DNMT3B: variants seen among roughly 807,000 people sequenced by gnomAD.
DNMT3B encodes DNA methyltransferase 3 beta.
A neutral mutation model predicts 120.2 loss-of-function variants in DNMT3B; 37 were observed. The observed-to-expected ratio is 0.31, with a 90% CI of 0.24 to 0.40. The LOEUF (loss-of-function observed/expected upper bound fraction) is 0.40. DNMT3B is among the 10% of genes least tolerant of loss of function. The pLI, the probability that DNMT3B is intolerant of heterozygous loss-of-function variation, is 1.00. For synonymous variants in DNMT3B, 412 were observed against 442.8 expected, an observed-to-expected ratio of 0.93 and a Z score of 0.87; for missense variants, 878 against 1,137.3, an observed-to-expected ratio of 0.77 and a Z score of 3.28.
At chr20:32,793,432 C>T (rs1980223540) in intron 9 of DNMT3B, 104 bp from the exon 10 acceptor site, 1 of 1,296,198 alleles carries the variant, frequency 7.7e-7, no homozygotes, top group African/African-American at 1.5e-5. Context: ...CGCACCACTG[C>T]ATTCAAGCCT....
intron 10 of DNMT3B, among the ~76,000 whole-genome samples, chr20:32,794,761 G>T (rs1434370177): frequency 6.6e-6 from 1 of 152,166 alleles, no homozygotes; most frequent in Non-Finnish European, 1.5e-5. Flanking sequence ...TACATTTATA[G>T]TGCTGGTTTC....
intron 16 of DNMT3B, among the ~76,000 whole-genome samples, chr20:32,799,839 A>G (rs1326528043): frequency 6.6e-6 from 1 of 152,260 alleles, no homozygotes; most frequent in Admixed American, 6.5e-5. Context: ...TTTTAAAAGG[A>G]CATACATCTT....
intron 21 of DNMT3B, 29 bp downstream of exon 21, chr20:32,805,436 A>G: frequency 6.2e-7 from 1 of 1,613,708 alleles, no homozygotes; most frequent in Non-Finnish European, 8.5e-7. Context: ...CTCTGGAAAA[A>G]TGCACTTGGT....
Position 32,806,337 on chromosome 20 carries a change from G to T in DNMT3B, c.2420+10G>T, listed in dbSNP as rs1981977901. On this transcript the variant is annotated intron_variant, in intron 22 of 22. Coordinates refer to ENST00000328111, the MANE Select transcript of DNMT3B (RefSeq NM_006892.4). ...GCACTGAGCTCGAAAGGTGAGCAAG[G>T]CTGCACTTGGAGAGGGAAACTGTGT... 1.2e-6 allele frequency: 2 copies of T among 1,612,962 alleles called. No homozygotes were observed. The highest frequency in any genetic ancestry group is 1.7e-6 in the Non-Finnish European group (2 of 1,179,046).
intron 1 of DNMT3B, among the ~76,000 whole-genome samples, chr20:32,767,528 C>T (rs976420039): frequency 2.6e-5 from 4 of 151,758 alleles, no homozygotes; most frequent in African/African-American, 9.7e-5. Flanking sequence ...CTCCTGGGCT[C>T]ATTCCAGTAT....
At chr20:32,776,179 A>C (rs2145883783) in intron 1 of DNMT3B, among the ~76,000 whole-genome samples, 1 of 152,002 alleles carries the variant, frequency 6.6e-6, no homozygotes, top group East Asian at 1.9e-4. Flanking sequence ...CAGTGAGCCG[A>C]GATCGCGCCA....
intron 22 of DNMT3B, 115 bp downstream of exon 22, chr20:32,806,442 G>C: frequency 1.0e-6 from 1 of 971,524 alleles, no homozygotes; most frequent in Non-Finnish European, 1.6e-6. Flanking sequence ...GGTGTTACTG[G>C]GGCGAGGAGT....
intron 4 of DNMT3B, 81 bp downstream of exon 4, chr20:32,784,940 G>T (rs552085543): frequency 1.5e-6 from 2 of 1,342,166 alleles, no homozygotes; most frequent in Non-Finnish European, 2.1e-6. Flanking sequence ...ACATAGCATA[G>T]CTCCTTAGGG....
intron 1 of DNMT3B, among the ~76,000 whole-genome samples, chr20:32,771,750 A>C (rs1987760263): frequency 1.3e-5 from 2 of 152,088 alleles, no homozygotes; most frequent in African/African-American, 4.8e-5. Flanking sequence ...GGATGTATTC[A>C]TAGGTGTCTG....
chr20:32,789,522 T>C (rs570975623), intron 7 of DNMT3B, among the ~76,000 whole-genome samples: 6 of 152,344 alleles, frequency 3.9e-5, no homozygotes, highest in Admixed American at 3.3e-4. Context: ...TTCTTGGTAA[T>C]GACATTTAGC....
At position 32,794,508 on chromosome 20, in the gene DNMT3B, G is replaced by A. The variant is rs368071309; in HGVS notation, c.1127-901G>A. On this transcript the variant is annotated intron_variant, in intron 10 of 22. Transcript: ENST00000328111. ...AGCCTGGCCAGCATGATGAAACCCC[G>A]TCTCTACTAAAATACAAAAATTAGC... Among the ~76,000 whole-genome samples the A allele has an allele frequency of 1.5e-4, 23 of 152,082 alleles. No homozygotes were observed. The East Asian group carries it at 2.1e-3, about 14-fold the overall frequency.
chr20:32,768,116 A>G (rs1005252464), intron 1 of DNMT3B, among the ~76,000 whole-genome samples: 86 of 152,172 alleles, frequency 5.7e-4, no homozygotes, highest in African/African-American at 2.0e-3. Context: ...CTCCTGGGTC[A>G]AGTGATCCTC....
At position 32,808,361 on chromosome 20, in the gene DNMT3B, C is replaced by A; in HGVS notation, c.*458C>A. On this transcript the variant is annotated 3_prime_UTR_variant, in exon 23 of 23. Coordinates refer to ENST00000328111, the MANE Select transcript of DNMT3B (RefSeq NM_006892.4). ...CTGGCTACTGCTCTGTGTTTACAGA[C>A]GTGTGCAGTTGTAGGCATGTAGCTA... is the stretch of plus-strand genomic sequence containing the variant. 1 of 289,644 alleles carries A rather than the reference C, an allele frequency of 3.5e-6. No individual in the cohort carries two copies. Among genetic ancestry groups the A allele is most frequent in the Non-Finnish European group, 6.6e-6 (1 of 152,372 alleles). The allele number at this position is 289,644 out of a possible 1,614,324, so 17.9% of individuals were successfully genotyped here.
At chr20:32,794,251 G>A (rs1042469674) in intron 10 of DNMT3B, among the ~76,000 whole-genome samples, 4 of 150,536 alleles carry the variant, frequency 2.7e-5, no homozygotes, top group Non-Finnish European at 4.4e-5. Flanking sequence ...GGCTGAGGTG[G>A]GAGGATCACC....
At position 32,762,546 on chromosome 20, in the gene DNMT3B, G is replaced by T. The variant is rs935586683; in HGVS notation, c.-160G>T. 1 of 348,412 alleles carries T rather than the reference G, an allele frequency of 2.9e-6. No homozygotes were observed. The highest frequency in any genetic ancestry group is 5.9e-6 in the Non-Finnish European group (1 of 169,478). 21.6% of individuals were successfully genotyped at this position (348,412 alleles called of 1,614,324 possible). A position where few individuals can be genotyped will look rare whatever the true frequency, so the allele number is the denominator to read the frequency against. ...GCGGCAACGCTGCCCGGCCGGCAGC[G>T]CTGGGGTTAAGTGGCCCAAGTAAAC... On this transcript the variant is annotated 5_prime_UTR_variant, in exon 1 of 23. Transcript: ENST00000328111.
chr20:32,784,282 G>A (rs1978993338), intron 3 of DNMT3B, among the ~76,000 whole-genome samples: 1 of 152,192 alleles, frequency 6.6e-6, no homozygotes, highest in Admixed American at 6.5e-5. Context: ...ACCTCAGTCT[G>A]CCCCAGACTC....
rs759311169 is a variant in DNMT3B at position 32,793,524 on chromosome 20, TC to T, written c.1067-8del. The T allele has an allele frequency of 1.9e-6, 3 of 1,614,050 alleles. No individual in the cohort carries two copies. In the African/African-American group the frequency reaches 4.0e-5, roughly 22 times the overall value. The stretch of plus-strand genomic sequence containing the variant: ...ATGTTTTTTCTGTTTTGTTTTGTTT[TC>T]CCCTCAAAAGTGGTTAATAAGTCGA... On this transcript the variant is annotated splice_polypyrimidine_tract_variant and intron_variant, in intron 9 of 22. Coordinates refer to ENST00000328111, the MANE Select transcript of DNMT3B (RefSeq NM_006892.4).
At chr20:32,791,989 A>G (rs983279479) in intron 8 of DNMT3B, among the ~76,000 whole-genome samples, 7 of 152,220 alleles carry the variant, frequency 4.6e-5, no homozygotes, top group Non-Finnish European at 1.0e-4. Context: ...GTGCTTTTCC[A>G]GAGACCTCAG....
intron 10 of DNMT3B, 115 bp from the exon 11 acceptor site, chr20:32,795,294 C>T: frequency 1.3e-6 from 2 of 1,531,266 alleles, no homozygotes; most frequent in East Asian, 2.3e-5. Context: ...GTGTGGACCC[C>T]CTGTCATGCC....
Sources: allele counts gnomAD v4.1 joint callset (sites outside exome capture counted in the v4.1 genomes callset), GRCh38; gene constraint gnomAD v4.1.1; transcripts MANE v1.5; gene names NCBI Gene and HGNC (gene_info 2026-07-23, HGNC 2026-07-21).